Variants in NBEA observed in about 807,000 individuals in gnomAD.
NBEA encodes the protein neurobeachin.
A neutral mutation model predicts 343.4 loss-of-function variants in NBEA; 44 were observed. The observed-to-expected ratio is 0.13, with a 90% CI of 0.10 to 0.16. NBEA has a LOEUF of 0.16. NBEA is among the 10% of genes least tolerant of loss of function. NBEA has a pLI of 1.00. For synonymous variants in NBEA, 1,175 were observed against 1,238.7 expected, an observed-to-expected ratio of 0.95 and a Z score of 1.08; for missense variants, 2,555 against 3,631.3, an observed-to-expected ratio of 0.70 and a Z score of 7.62.
At chr13:35,248,834 C>T (rs939514562) in intron 34 of NBEA, among the ~76,000 whole-genome samples, 8 of 152,126 alleles carry the variant, frequency 5.3e-5, no homozygotes, top group South Asian at 4.1e-4. Flanking sequence ...AACTGTAAAA[C>T]GCTTGGAAGA....
chr13:35,276,748 T>C (rs1368130828), intron 34 of NBEA, among the ~76,000 whole-genome samples: 2 of 152,196 alleles, frequency 1.3e-5, no homozygotes, highest in African/African-American at 2.4e-5. Flanking sequence ...TATATACTTA[T>C]TACAGACATA....
At chr13:35,129,549 T>C (rs1207636386) in intron 17 of NBEA, among the ~76,000 whole-genome samples, 1 of 151,990 alleles carries the variant, frequency 6.6e-6, no homozygotes, top group Non-Finnish European at 1.5e-5. Flanking sequence ...ATTGGTGAAC[T>C]GAGGGATAGA....
intron 34 of NBEA, among the ~76,000 whole-genome samples, chr13:35,285,057 G>A (rs1271043181): frequency 3.3e-5 from 5 of 152,070 alleles, no homozygotes; most frequent in East Asian, 1.9e-4. Flanking sequence ...TCCTTTCCAC[G>A]TCTATAGTTA....
At chr13:35,253,984 A>T (rs1015723438) in intron 34 of NBEA, among the ~76,000 whole-genome samples, 1 of 152,206 alleles carries the variant, frequency 6.6e-6, no homozygotes, top group Non-Finnish European at 1.5e-5. Flanking sequence ...AGTCAGGGAC[A>T]TTTTGTTGGA....
intron 38 of NBEA, among the ~76,000 whole-genome samples, chr13:35,365,184 T>G (rs951673547): frequency 1.3e-5 from 2 of 151,756 alleles, no homozygotes; most frequent in Non-Finnish European, 3.0e-5. Flanking sequence ...AATTAGTAAG[T>G]CAGAAGTACG....
intron 38 of NBEA, among the ~76,000 whole-genome samples, chr13:35,394,604 A>G (rs2042656745): frequency 6.6e-6 from 1 of 152,162 alleles, no homozygotes; most frequent in Admixed American, 6.6e-5. Flanking sequence ...CATTTCATGC[A>G]TTCTAGATCT....
chr13:35,035,391 T>A (rs1593535999), intron 1 of NBEA, among the ~76,000 whole-genome samples: 1 of 152,034 alleles, frequency 6.6e-6, no homozygotes, highest in East Asian at 1.9e-4. Flanking sequence ...TATTATTTCA[T>A]TTTTTTGGAA....
intron 34 of NBEA, among the ~76,000 whole-genome samples, chr13:35,240,857 A>C (rs1460730850): frequency 6.6e-6 from 1 of 151,764 alleles, no homozygotes; most frequent in Admixed American, 6.6e-5. Flanking sequence ...TTAGCTATTT[A>C]GTGGTTGCAA....
chr13:35,646,157 T>G (rs1295095379), intron 50 of NBEA, 102 bp from the exon 51 acceptor site: 17 of 953,090 alleles, frequency 1.8e-5, no homozygotes, highest in Non-Finnish European at 2.7e-5. Context: ...TTCTGGACTT[T>G]TTTTCATGGC....
intron 38 of NBEA, among the ~76,000 whole-genome samples, chr13:35,360,324 C>T (rs2040739275): frequency 6.6e-6 from 1 of 151,982 alleles, no homozygotes; most frequent in Non-Finnish European, 1.5e-5. Flanking sequence ...TTTGGAACTG[C>T]CACCCACTGA....
chr13:35,182,995 A>T (rs1431047018), intron 29 of NBEA, among the ~76,000 whole-genome samples: 1 of 151,950 alleles, frequency 6.6e-6, no homozygotes, highest in Non-Finnish European at 1.5e-5. Context: ...TCTATCAGTG[A>T]TTTATAATCA....
chr13:35,464,652 TCCAA>T (rs1377449066), intron 40 of NBEA, among the ~76,000 whole-genome samples: 2 of 152,188 alleles, frequency 1.3e-5, no homozygotes, highest in Admixed American at 1.3e-4. Flanking sequence ...TCTAAATTAC[TCCAA>T]CCCAGAGTCT....
chr13:35,521,514 A>T (rs2077712663), intron 41 of NBEA, among the ~76,000 whole-genome samples: 1 of 152,326 alleles, frequency 6.6e-6, no homozygotes, highest in South Asian at 2.1e-4. Flanking sequence ...GGAACTGAGG[A>T]TTGGAAAGCC....
intron 39 of NBEA, among the ~76,000 whole-genome samples, chr13:35,436,639 G>C (rs1157223302): frequency 2.0e-5 from 3 of 150,790 alleles, no homozygotes; most frequent in African/African-American, 7.3e-5. Context: ...GAGCCCGGGA[G>C]ACGGAGCTTG....
At chr13:35,063,920 A>G (rs1416278361) in intron 8 of NBEA, among the ~76,000 whole-genome samples, 2 of 152,016 alleles carry the variant, frequency 1.3e-5, no homozygotes, top group Non-Finnish European at 2.9e-5. Flanking sequence ...GAGAGGAGCA[A>G]GTAAGTGACC....
intron 1 of NBEA, among the ~76,000 whole-genome samples, chr13:35,031,932 C>G (rs536047668): frequency 2.8e-4 from 43 of 151,646 alleles, no homozygotes; most frequent in Non-Finnish European, 5.2e-4. Flanking sequence ...AGTTTGCTAA[C>G]GATAATTAGC....
At chr13:35,418,705 G>A (rs1312480238) in intron 38 of NBEA, among the ~76,000 whole-genome samples, 1 of 151,996 alleles carries the variant, frequency 6.6e-6, no homozygotes, top group Non-Finnish European at 1.5e-5. Context: ...TGGAACATAA[G>A]CCTTTTTTGA....
intron 38 of NBEA, among the ~76,000 whole-genome samples, chr13:35,367,211 A>C (rs1339885734): frequency 6.6e-6 from 1 of 151,314 alleles, no homozygotes; most frequent in East Asian, 1.9e-4. Flanking sequence ...TTTAGTAGCT[A>C]CTTAGGTAGA....
intron 44 of NBEA, among the ~76,000 whole-genome samples, chr13:35,561,296 A>G (rs1282956635): frequency 6.6e-6 from 1 of 152,146 alleles, no homozygotes; most frequent in Admixed American, 6.5e-5. Context: ...ATGTAAATTC[A>G]CTAGAATTAC....
Sources: allele counts gnomAD v4.1 joint callset (sites outside exome capture counted in the v4.1 genomes callset), GRCh38; gene constraint gnomAD v4.1.1; transcripts MANE v1.5; gene names NCBI Gene and HGNC (gene_info 2026-07-23, HGNC 2026-07-21).